Variants in PTPRT observed in about 807,000 individuals in gnomAD.
PTPRT encodes the protein protein tyrosine phosphatase receptor type T, also known as receptor-type tyrosine-protein phosphatase T.
In PTPRT, 56 loss-of-function variants were observed where a neutral mutation model predicts 176.8. The observed-to-expected ratio is 0.32, with a 90% confidence interval of 0.26 to 0.40. PTPRT has a LOEUF of 0.40. Ranked by LOEUF, PTPRT falls within the 10% of genes least tolerant of loss-of-function variation. PTPRT has a pLI of 1.00. For synonymous variants in PTPRT, 783 were observed against 739.0 expected, an observed-to-expected ratio of 1.06 and a Z score of -0.96; for missense variants, 1,540 against 1,908.2, an observed-to-expected ratio of 0.81 and a Z score of 3.60.
intron 6 of PTPRT, among the ~76,000 whole-genome samples, chr20:42,741,630 G>T (rs971367546): frequency 6.6e-6 from 1 of 152,102 alleles, no homozygotes; most frequent in African/African-American, 2.4e-5. Flanking sequence ...ACAGGCATGA[G>T]CCACCACACC....
In PTPRT at chr20:42,185,350, T is replaced by TTGTA. The variant is rs1439352055; in HGVS notation, c.2491+13886_2491+13889dup. On this transcript the variant is annotated intron_variant, in intron 16 of 30. Coordinates refer to ENST00000373187, the MANE Select transcript of PTPRT (RefSeq NM_007050.6). ...AGCCTATCTGAATCTCTGCCTATATTTGTATGTGGTCTGAAGATCACCAGC... is the reference window on the plus strand; with the variant it reads ...AGCCTATCTGAATCTCTGCCTATATTTGTATGTATGTGGTCTGAAGATCACCAGC... Among the ~76,000 whole-genome samples the TTGTA allele has an allele frequency of 1.6e-4, 24 of 152,320 alleles. No individual in the cohort carries two copies. The East Asian group carries it at 4.6e-3, about 29-fold the overall frequency.
At chr20:42,555,508 C>T (rs1421766306) in intron 7 of PTPRT, among the ~76,000 whole-genome samples, 1 of 152,134 alleles carries the variant, frequency 6.6e-6, no homozygotes, top group Admixed American at 6.5e-5. Context: ...AACTGCAACT[C>T]CCAATAGGGA....
intron 7 of PTPRT, among the ~76,000 whole-genome samples, chr20:42,472,988 C>G: frequency 6.6e-6 from 1 of 152,110 alleles, no homozygotes; most frequent in African/African-American, 2.4e-5. Context: ...CCAGCCTGTC[C>G]CCTTGGAGGT....
At chr20:42,118,076 G>A (rs1437636581) in intron 21 of PTPRT, among the ~76,000 whole-genome samples, 1 of 152,212 alleles carries the variant, frequency 6.6e-6, no homozygotes, top group Non-Finnish European at 1.5e-5. Flanking sequence ...AAATCTGACA[G>A]CAGAGGAGAA....
intron 7 of PTPRT, among the ~76,000 whole-genome samples, chr20:42,508,989 AATTTATAGATATAAATT>A (rs1388422776): frequency 1.6e-5 from 2 of 126,256 alleles, no homozygotes; most frequent in African/African-American, 3.0e-5. Context: ...ATTTATATTT[AATTTATAGATATAAATT>A]ATATAATTTA....
intron 15 of PTPRT, among the ~76,000 whole-genome samples, chr20:42,219,087 G>GATTAA (rs2055829285): frequency 1.3e-5 from 2 of 152,174 alleles, no homozygotes; most frequent in African/African-American, 4.8e-5. Flanking sequence ...TAATTAATTA[G>GATTAA]TGTACACTAG....
intron 15 of PTPRT, among the ~76,000 whole-genome samples, chr20:42,216,640 A>G (rs16986677): frequency 0.014 from 2,183 of 152,288 alleles, 46 homozygotes; most frequent in African/African-American, 0.051. Context: ...AATGTTGTAA[A>G]AGCTTTAAAC....
At chr20:42,278,539 C>A (rs2057086538) in intron 13 of PTPRT, among the ~76,000 whole-genome samples, 1 of 151,872 alleles carries the variant, frequency 6.6e-6, no homozygotes, top group Admixed American at 6.6e-5. Context: ...CAGATGAGTA[C>A]AAGAAAGGAG....
At chr20:42,323,657 T>G (rs1289553235) in intron 11 of PTPRT, among the ~76,000 whole-genome samples, 1 of 152,074 alleles carries the variant, frequency 6.6e-6, no homozygotes, top group Non-Finnish European at 1.5e-5. Context: ...ATACACCTAA[T>G]GCTAAATGAC....
rs147619664 is a variant in PTPRT at position 42,902,211 on chromosome 20, T to G, written c.89-16279A>C. ...GTGACTTATTTTTAACATACAATTTTTTTCAGAGGAAACAAAAAAAGGAAA... is the reference window on the plus strand; with the variant it reads ...GTGACTTATTTTTAACATACAATTTGTTTCAGAGGAAACAAAAAAAGGAAA... On this transcript the variant is annotated intron_variant, in intron 1 of 30. Coordinates refer to ENST00000373187, the MANE Select transcript of PTPRT (RefSeq NM_007050.6). Among the ~76,000 whole-genome samples, 591 of 152,286 alleles carry G rather than the reference T, an allele frequency of 3.9e-3. 5 individuals are homozygous for G. Among genetic ancestry groups the G allele is most frequent in the African/African-American group, 0.014 (562 of 41,554 alleles).
rs143683854 is a variant in PTPRT, at chr20:43,149,775, T to C, written c.88+39871A>G. 3.9e-3 allele frequency among the ~76,000 whole-genome samples: 594 copies of C among 152,366 alleles called. 8 individuals are homozygous for C. Among genetic ancestry groups the C allele is most frequent in the African/African-American group, 0.013 (556 of 41,586 alleles). On this transcript the variant is annotated intron_variant, in intron 1 of 30. Coordinates refer to ENST00000373187, the MANE Select transcript of PTPRT (RefSeq NM_007050.6). Reference sequence around the variant, plus strand: ...AATCATAACCCTCATCTACCATTACTGTATTTCTCTTTGCAAGATGACAGT... The same window carrying C: ...AATCATAACCCTCATCTACCATTACCGTATTTCTCTTTGCAAGATGACAGT...
At chr20:42,830,805 A>C (rs1219215354) in intron 2 of PTPRT, among the ~76,000 whole-genome samples, 1 of 152,234 alleles carries the variant, frequency 6.6e-6, no homozygotes, top group Non-Finnish European at 1.5e-5. Flanking sequence ...TGCCACAAAA[A>C]GAATAAAATA....
chr20:42,788,874 T>A (rs1296308710), intron 3 of PTPRT, among the ~76,000 whole-genome samples: 1 of 152,172 alleles, frequency 6.6e-6, no homozygotes, highest in African/African-American at 2.4e-5. Flanking sequence ...AGAACTCTAC[T>A]AGGGGAAATT....
intron 17 of PTPRT, among the ~76,000 whole-genome samples, chr20:42,153,986 C>T (rs1227176182): frequency 6.6e-6 from 1 of 152,172 alleles, no homozygotes; most frequent in Non-Finnish European, 1.5e-5. Context: ...TTTGGCCACT[C>T]CCTATAATGG....
At chr20:42,411,168 G>A (rs2059011896) in intron 9 of PTPRT, among the ~76,000 whole-genome samples, 1 of 152,156 alleles carries the variant, frequency 6.6e-6, no homozygotes, top group Non-Finnish European at 1.5e-5. Context: ...ATGAACGCCA[G>A]GCATGGAGGC....
intron 16 of PTPRT, among the ~76,000 whole-genome samples, chr20:42,164,520 C>A (rs908052654): frequency 6.6e-6 from 1 of 152,188 alleles, no homozygotes; most frequent in African/African-American, 2.4e-5. Context: ...ATTAATCCAA[C>A]GGGTTAGACT....
At chr20:42,869,281 C>T (rs1412722019) in intron 2 of PTPRT, among the ~76,000 whole-genome samples, 1 of 152,172 alleles carries the variant, frequency 6.6e-6, no homozygotes, top group African/African-American at 2.4e-5. Context: ...TCACGCAACA[C>T]AAGCCTGGGA....
At chr20:42,657,569 G>T (rs548569656) in intron 7 of PTPRT, among the ~76,000 whole-genome samples, 3 of 130,016 alleles carry the variant, frequency 2.3e-5, no homozygotes, top group South Asian at 2.6e-4. Context: ...ATGGCTTTGT[G>T]GGGGGGAAAA....
At chr20:42,122,343 T>C (rs952570454) in intron 19 of PTPRT, among the ~76,000 whole-genome samples, 11 of 152,178 alleles carry the variant, frequency 7.2e-5, no homozygotes, top group Non-Finnish European at 1.5e-4. Flanking sequence ...ACTGAGTGCC[T>C]ATCAAGACTA....
Sources: allele counts gnomAD v4.1 joint callset (sites outside exome capture counted in the v4.1 genomes callset), GRCh38; gene constraint gnomAD v4.1.1; transcripts MANE v1.5; gene names NCBI Gene and HGNC (gene_info 2026-07-23, HGNC 2026-07-21).